RANBP10: variants seen among roughly 807,000 people sequenced by gnomAD.
The protein encoded by RANBP10 is ran-binding protein 10.
RANBP10 carries 24 observed loss-of-function variants against 72.8 expected under a neutral mutation model. That is an observed-to-expected ratio of 0.33 (90% CI 0.24 to 0.46). The LOEUF (loss-of-function observed/expected upper bound fraction) is 0.46, where lower values mean the gene tolerates loss of function less well. Ranked by LOEUF, RANBP10 falls within the 20% of genes least tolerant of loss-of-function variation. RANBP10 has a pLI of 1.00. For synonymous variants in RANBP10, 310 were observed against 322.3 expected, an observed-to-expected ratio of 0.96 and a Z score of 0.41; for missense variants, 679 against 817.5, an observed-to-expected ratio of 0.83 and a Z score of 2.07.
chr16:67,751,922 T>A (rs998396845), intron 3 of RANBP10, among the ~76,000 whole-genome samples: 2 of 151,512 alleles, frequency 1.3e-5, no homozygotes, highest in Admixed American at 6.6e-5. Context: ...AATTTAAAAA[T>A]TTTTAACTCT....
chr16:67,796,505 T>G (rs2055137698), intron 2 of RANBP10, among the ~76,000 whole-genome samples: 1 of 152,152 alleles, frequency 6.6e-6, no homozygotes, highest in African/African-American at 2.4e-5. Context: ...CTAGTAGATT[T>G]CATCTCATGA....
intron 2 of RANBP10, among the ~76,000 whole-genome samples, chr16:67,799,349 G>A (rs578054864): frequency 1.8e-4 from 26 of 146,900 alleles, no homozygotes; most frequent in East Asian, 4.0e-4. Flanking sequence ...GTGCAGTGGC[G>A]CGATCTCGGC....
intron 3 of RANBP10, among the ~76,000 whole-genome samples, chr16:67,771,548 T>C (rs1174518654): frequency 2.6e-5 from 4 of 152,104 alleles, no homozygotes; most frequent in African/African-American, 9.7e-5. Flanking sequence ...TTTCACCATG[T>C]TGGCCAGGCT....
At chr16:67,756,708 AAAAACAAAAAAC>A (rs1392778199) in intron 3 of RANBP10, among the ~76,000 whole-genome samples, 2 of 152,136 alleles carry the variant, frequency 1.3e-5, no homozygotes, top group South Asian at 2.1e-4. Flanking sequence ...GTCTCAGAAA[AAAAACAAAAAAC>A]AAAACAAAAA....
chr16:67,791,791 T>C (rs2055033042), intron 2 of RANBP10, among the ~76,000 whole-genome samples: 1 of 152,158 alleles, frequency 6.6e-6, no homozygotes, highest in Non-Finnish European at 1.5e-5. Flanking sequence ...CCTTGGAAGA[T>C]GGTTCAGGAA....
chr16:67,784,090 G>A (rs1035303648), intron 2 of RANBP10, among the ~76,000 whole-genome samples: 1 of 147,474 alleles, frequency 6.8e-6, no homozygotes. Flanking sequence ...GAAAGTTATA[G>A]AGCAATATAG....
chr16:67,756,252 C>G (rs1333430992), intron 3 of RANBP10, among the ~76,000 whole-genome samples: 1 of 152,248 alleles, frequency 6.6e-6, no homozygotes, highest in Admixed American at 6.5e-5. Context: ...GATCCAAGGC[C>G]TCAGTCCCAG....
rs1298404510 is a variant in RANBP10, at chr16:67,728,531, T to A, written c.1353-20A>T. ...CTGTCGCTGTGGGGAGGGGTTGAGG[T>A]GGGAGTTGGCCCAGGGGGTGTGGTT... is the stretch of plus-strand genomic sequence containing the variant. On this transcript the variant is annotated intron_variant, in intron 10 of 13. Coordinates refer to ENST00000317506, the MANE Select transcript of RANBP10 (RefSeq NM_020850.3). 1 of 1,613,790 alleles carries A rather than the reference T, an allele frequency of 6.2e-7. No homozygotes were observed.
intron 3 of RANBP10, among the ~76,000 whole-genome samples, chr16:67,751,396 G>A (rs1169387399): frequency 6.6e-6 from 1 of 152,218 alleles, no homozygotes; most frequent in Non-Finnish European, 1.5e-5. Context: ...GGATGAGGTG[G>A]GAGGATCACT....
At chr16:67,775,348 T>C (rs2054684441) in intron 2 of RANBP10, among the ~76,000 whole-genome samples, 1 of 152,024 alleles carries the variant, frequency 6.6e-6, no homozygotes, top group Non-Finnish European at 1.5e-5. Flanking sequence ...GCTAACATCA[T>C]ACTCAATGGT....
intron 3 of RANBP10, among the ~76,000 whole-genome samples, chr16:67,757,162 G>T (rs2054300929): frequency 6.6e-6 from 1 of 152,176 alleles, no homozygotes; most frequent in Non-Finnish European, 1.5e-5. Context: ...GAGCCAAGAT[G>T]GCGCCATTGC....
intron 2 of RANBP10, among the ~76,000 whole-genome samples, chr16:67,804,335 T>A (rs768683580): frequency 6.6e-5 from 10 of 151,850 alleles, no homozygotes; most frequent in Non-Finnish European, 1.5e-4. Flanking sequence ...AAATTAAGTA[T>A]CTCCCCTATG....
At chr16:67,801,989 G>C (rs922028883) in intron 2 of RANBP10, among the ~76,000 whole-genome samples, 2 of 151,902 alleles carry the variant, frequency 1.3e-5, no homozygotes, top group African/African-American at 4.8e-5. Context: ...CAGCTACTCA[G>C]GAAGCTGAGG....
intron 2 of RANBP10, among the ~76,000 whole-genome samples, chr16:67,794,930 T>TAAAAAAAAAAAAAAA (rs1239858200): frequency 1.1e-4 from 6 of 54,246 alleles, no homozygotes; most frequent in African/African-American, 3.0e-4. Context: ...TGCCTCAAAT[T>TAAAAAAAAAAAAAAA]AAAAAAAAAA....
intron 3 of RANBP10, among the ~76,000 whole-genome samples, chr16:67,760,460 C>T (rs1271071874): frequency 6.6e-6 from 1 of 152,200 alleles, no homozygotes; most frequent in African/African-American, 2.4e-5. Context: ...GCCTATGCCT[C>T]TAACAGCTCA....
chr16:67,735,175 G>C, intron 5 of RANBP10, 133 bp from the exon 6 acceptor site: 1 of 836,508 alleles, frequency 1.2e-6, no homozygotes, highest in Non-Finnish European at 1.8e-6. Context: ...AGGCAGGGCG[G>C]AGCCACCTCT....
At chr16:67,803,733 G>A (rs1393127709) in intron 2 of RANBP10, among the ~76,000 whole-genome samples, 1 of 150,516 alleles carries the variant, frequency 6.6e-6, no homozygotes, top group Non-Finnish European at 1.5e-5. Context: ...GAGGTGGGAG[G>A]ATAACTCGAG....
At chr16:67,744,754 G>A (rs1267265341) in intron 3 of RANBP10, among the ~76,000 whole-genome samples, 1 of 152,244 alleles carries the variant, frequency 6.6e-6, no homozygotes, top group African/African-American at 2.4e-5. Flanking sequence ...AGGTGGTCAA[G>A]GGAAGCCTTG....
intron 2 of RANBP10, among the ~76,000 whole-genome samples, chr16:67,772,661 G>C (rs1296124292): frequency 6.6e-6 from 1 of 152,174 alleles, no homozygotes; most frequent in South Asian, 2.1e-4. Flanking sequence ...GTAATGATGT[G>C]TGAGGCCCCC....
Sources: allele counts gnomAD v4.1 joint callset (sites outside exome capture counted in the v4.1 genomes callset), GRCh38; gene constraint gnomAD v4.1.1; transcripts MANE v1.5; gene names NCBI Gene and HGNC (gene_info 2026-07-23, HGNC 2026-07-21).